The following NELL2 variants were observed in gnomAD, a reference collection of about 807,000 sequenced individuals.
NELL2 encodes the protein protein kinase C-binding protein NELL2.
In NELL2, 41 loss-of-function variants were observed where a neutral mutation model predicts 109.6. The ratio of observed to expected loss-of-function variants is 0.37; its 90% confidence interval spans 0.29 to 0.49. The LOEUF is 0.49. Among genes scored for constraint, NELL2 ranks in the 20% least tolerant of loss-of-function variants. The pLI is 0.98. For synonymous variants in NELL2, 355 were observed against 344.7 expected (o/e 1.03, Z -0.33); for missense variants, 900 against 1,008.3 (o/e 0.89, Z 1.45).
intron 2 of NELL2, among the ~76,000 whole-genome samples, chr12:44,833,428 GT>G (rs1368815166): frequency 6.6e-6 from 1 of 152,040 alleles, no homozygotes; most frequent in African/African-American, 2.4e-5. Flanking sequence ...CTGCCTTATA[GT>G]TTTCTCTGTT....
At chr12:44,624,818 T>A (rs183785333) in intron 13 of NELL2, among the ~76,000 whole-genome samples, 250 of 151,792 alleles carry the variant, frequency 1.6e-3, no homozygotes, top group Non-Finnish European at 2.5e-3. Context: ...GCATTCTCCA[T>A]CCTCCACGCG....
At chr12:44,854,186 T>C (rs543890041) in intron 2 of NELL2, among the ~76,000 whole-genome samples, 2 of 152,322 alleles carry the variant, frequency 1.3e-5, no homozygotes, top group African/African-American at 2.4e-5. Context: ...TGTACAGATA[T>C]AGAATTAGAC....
chr12:44,796,743 C>T (rs1592553233), intron 3 of NELL2, among the ~76,000 whole-genome samples: 1 of 151,886 alleles, frequency 6.6e-6, no homozygotes, highest in East Asian at 1.9e-4. Flanking sequence ...AGCTAGGAGC[C>T]AAAATTGTAT....
At chr12:44,530,165 G>A (rs915405109) in intron 16 of NELL2, among the ~76,000 whole-genome samples, 1 of 152,152 alleles carries the variant, frequency 6.6e-6, no homozygotes, top group Non-Finnish European at 1.5e-5. Context: ...AAAGCAGCAG[G>A]TATATAGAAA....
chr12:44,864,373 TA>T (rs1003472395), intron 2 of NELL2, among the ~76,000 whole-genome samples: 29 of 151,056 alleles, frequency 1.9e-4, no homozygotes, highest in African/African-American at 5.1e-4. Context: ...AGTGAAGGAA[TA>T]AAAAAAAATT....
intron 1 of NELL2, among the ~76,000 whole-genome samples, chr12:44,891,303 A>G (rs1222035717): frequency 6.6e-6 from 1 of 152,212 alleles, no homozygotes; most frequent in East Asian, 1.9e-4. Context: ...GGACTATACC[A>G]GTGATGATAC....
chr12:44,541,271 A>T (rs1697044859), intron 15 of NELL2, among the ~76,000 whole-genome samples: 1 of 150,942 alleles, frequency 6.6e-6, no homozygotes, highest in Non-Finnish European at 1.5e-5. Context: ...AAAAAAGAAA[A>T]AAAAAAGAAA....
At position 44,776,093 on chromosome 12, in the gene NELL2, A is replaced by T; in HGVS notation, c.820T>A (p.Cys274Ser). The T allele has an allele frequency of 6.2e-7, 1 of 1,614,088 alleles. No homozygotes were observed. The highest frequency in any genetic ancestry group is 8.5e-7 in the Non-Finnish European group (1 of 1,179,986). Residue 274 changes from cysteine (C) to serine (S), a missense_variant, in exon 8 of 20, where the codon TGC (cysteine) becomes AGC (serine). By Grantham distance (112) the Cys-to-Ser change is moderately radical. Transcript: ENST00000429094. The stretch of plus-strand genomic sequence containing the variant: ...CGGTAGGTGGTTCCCTTCATGGTGC[A>T]AGTCCTTTCACAATAGCACTGATCC... ...RLDQCYCERT[C>S]TMKGTTYREF...
intron 2 of NELL2, among the ~76,000 whole-genome samples, chr12:44,856,669 C>T (rs1048161034): frequency 6.6e-6 from 1 of 151,874 alleles, no homozygotes; most frequent in African/African-American, 2.4e-5. Flanking sequence ...ATGCCACTGG[C>T]GTTAAAGCAA....
chr12:44,746,145 G>T (rs376975803), intron 9 of NELL2, among the ~76,000 whole-genome samples: 2 of 151,990 alleles, frequency 1.3e-5, no homozygotes, highest in Admixed American at 1.3e-4. Context: ...ATAATGCCGC[G>T]TATCTACAAC....
chr12:44,666,036 T>G (rs896826145), intron 12 of NELL2, among the ~76,000 whole-genome samples: 4 of 152,144 alleles, frequency 2.6e-5, no homozygotes, highest in Non-Finnish European at 5.9e-5. Context: ...GTGTTCGATA[T>G]AAACCAGAAT....
intron 12 of NELL2, among the ~76,000 whole-genome samples, chr12:44,695,485 C>T (rs972015313): frequency 2.6e-5 from 4 of 152,080 alleles, no homozygotes; most frequent in African/African-American, 9.7e-5. Context: ...TCACTTGAGC[C>T]CAGGAGTTTG....
upstream of NELL2, among the ~76,000 whole-genome samples, chr12:44,916,732 A>G (rs563669057): frequency 6.6e-6 from 1 of 152,320 alleles, no homozygotes; most frequent in South Asian, 2.1e-4. Flanking sequence ...GCAAACCATT[A>G]TAAGTCATAT....
Position 44,743,860 on chromosome 12 carries a change from A to G in NELL2, c.995-29119T>C, listed in dbSNP as rs183451774. Among the ~76,000 whole-genome samples the G allele has an allele frequency of 5.5e-3, 831 of 152,332 alleles. 3 individuals are homozygous for G. The highest frequency in any genetic ancestry group is 9.3e-3 in the Non-Finnish European group (631 of 68,036). ...CCACACAATAATAATGGGAGACTTT[A>G]ACACCTCACTGTCAACATTAGACAG... On this transcript the variant is annotated intron_variant, in intron 9 of 19. Transcript: ENST00000429094.
intron 12 of NELL2, among the ~76,000 whole-genome samples, chr12:44,669,486 A>G (rs1209313786): frequency 6.6e-6 from 1 of 152,166 alleles, no homozygotes; most frequent in Non-Finnish European, 1.5e-5. Flanking sequence ...CAGATAAACA[A>G]TACAAAGAAA....
Position 44,714,997 on chromosome 12 carries a change from A to G in NELL2, c.995-256T>C, listed in dbSNP as rs531175959. ...TGTCTGAATTAGACTCTGAAAAAGT[A>G]GTGCCAAAAAGCAGACTTACAGCCA... On this transcript the variant is annotated intron_variant, in intron 9 of 19. Transcript: ENST00000429094. Among the ~76,000 whole-genome samples, 5 of 151,942 alleles carry G rather than the reference A, an allele frequency of 3.3e-5. No individual in the cohort carries two copies. The East Asian group carries it at 5.8e-4, about 18-fold the overall frequency.
chr12:44,682,819 C>T (rs989199533), intron 12 of NELL2, among the ~76,000 whole-genome samples: 6 of 152,264 alleles, frequency 3.9e-5, no homozygotes, highest in Admixed American at 2.0e-4. Context: ...TTGGTTACTG[C>T]AGCCTTGTAG....
intron 9 of NELL2, among the ~76,000 whole-genome samples, chr12:44,753,682 GAT>G (rs577162925): frequency 7.2e-5 from 11 of 151,828 alleles, no homozygotes; most frequent in African/African-American, 2.7e-4. Context: ...AATGAGGTAA[GAT>G]ATATATATAT....
intron 16 of NELL2, among the ~76,000 whole-genome samples, chr12:44,523,949 A>G (rs986608040): frequency 2.0e-5 from 3 of 152,126 alleles, no homozygotes; most frequent in African/African-American, 7.2e-5. Flanking sequence ...TTTATGCAAT[A>G]TCAAGCCTTA....
Sources: allele counts gnomAD v4.1 joint callset (sites outside exome capture counted in the v4.1 genomes callset), GRCh38; gene constraint gnomAD v4.1.1; transcripts MANE v1.5; gene names NCBI Gene and HGNC (gene_info 2026-07-23, HGNC 2026-07-21).